KRIT1: variants seen among roughly 807,000 people sequenced by gnomAD.
KRIT1 encodes krev interaction trapped protein 1.
In KRIT1, 45 loss-of-function variants were observed where a neutral mutation model predicts 95.8. The ratio of observed to expected loss-of-function variants is 0.47; its 90% CI spans 0.37 to 0.60. The LOEUF is 0.60. Ranked by LOEUF, KRIT1 falls within the 20% of genes least tolerant of loss-of-function variation. The pLI is 0.00. For synonymous variants in KRIT1, 282 were observed against 278.8 expected (o/e 1.01, Z -0.11); for missense variants, 788 against 877.5 (o/e 0.90, Z 1.29).
intron 14 of KRIT1, among the ~76,000 whole-genome samples, chr7:92,221,479 C>T (rs1795129486): frequency 6.6e-6 from 1 of 152,118 alleles, no homozygotes; most frequent in Non-Finnish European, 1.5e-5. Context: ...GAATGACTTT[C>T]GCATTCTTCC....
chr7:92,222,859 C>G lies in KRIT1; in HGVS notation c.1374G>C (p.Gln458His), dbSNP rs760487764. 9 of 1,608,942 alleles carry G rather than the reference C, an allele frequency of 5.6e-6. No individual in the cohort carries two copies. The highest frequency in any genetic ancestry group is 1.3e-5 in the African/African-American group (1 of 74,954). The change falls in exon 13 of 19, where the codon CAG becomes CAC. Residue 458 changes from glutamine (Q) to histidine (H), a missense_variant. Physicochemically the swap from Gln to His is conservative, Grantham distance 24. Coordinates refer to ENST00000394505, the MANE Select transcript of KRIT1 (RefSeq NM_194454.3). ...AACAAATCCATATAGTGAAATATTG[C>G]TGAGTTTCTTGAGAGAGACGCATTC... is the stretch of plus-strand genomic sequence containing the variant. Reference protein sequence around the residue: ...MEGMRLSQETQQYFTIWICSE... With the variant: ...MEGMRLSQETHQYFTIWICSE...
chr7:92,234,864 G>C lies in KRIT1; in HGVS notation c.789C>G (p.Ile263Met), dbSNP rs1368571975. 3 of 1,610,300 alleles carry C rather than the reference G, an allele frequency of 1.9e-6. No individual in the cohort carries two copies. Among genetic ancestry groups the C allele is most frequent in the African/African-American group, 2.7e-5 (2 of 74,888 alleles). Residue 263 changes from isoleucine (I) to methionine (M), a missense_variant, in exon 9 of 19, where the codon ATC becomes ATG. Coordinates refer to ENST00000394505, the MANE Select transcript of KRIT1 (RefSeq NM_194454.3). The stretch of plus-strand genomic sequence containing the variant: ...GCCATTTTTCCTGTTTAGGTATTTG[G>C]ATTTTTGAGTAGTCTGGAGCTCCTA... ...FGLGAPDYSK[I>M]QIPKQEKWQR...
At position 92,240,291 on chromosome 7, in the gene KRIT1, A is replaced by G. The variant is rs935287070; in HGVS notation, c.262+702T>C. On this transcript the variant is annotated intron_variant, in intron 5 of 18. Coordinates refer to ENST00000394505, the MANE Select transcript of KRIT1 (RefSeq NM_194454.3). ...TATGAATCAGATAACTAATCCCTATAAAAATGTACACTGAATAAGCTTTGA... is the reference window on the plus strand; with the variant it reads ...TATGAATCAGATAACTAATCCCTATGAAAATGTACACTGAATAAGCTTTGA... Among the ~76,000 whole-genome samples the G allele has an allele frequency of 1.2e-4, 19 of 152,294 alleles. 1 individual carries two copies. Among genetic ancestry groups the G allele is most frequent in the African/African-American group, 4.1e-4 (17 of 41,570 alleles).
At position 92,234,714 on chromosome 7, in the gene KRIT1, A is replaced by G. The variant is rs1194945432; in HGVS notation, c.845+94T>C. On this transcript the variant is annotated intron_variant, in intron 9 of 18. Transcript: ENST00000394505. ...AAGCTGTAAACTCAATAGTGACTAC[A>G]ATGCATACAAATTGCATATATAATT... The G allele has an allele frequency of 2.8e-6, 3 of 1,053,910 alleles. No individual in the cohort carries two copies. The African/African-American group carries it at 4.7e-5, about 17-fold the overall frequency. The allele number at this position is 1,053,910 out of a possible 1,614,324, so 65.3% of individuals were successfully genotyped here.
At chr7:92,222,460 G>T (rs931005928) in intron 13 of KRIT1, among the ~76,000 whole-genome samples, 2 of 152,040 alleles carry the variant, frequency 1.3e-5, no homozygotes, top group African/African-American at 4.8e-5. Flanking sequence ...TAAAAAGGTT[G>T]ATTTTAAATA....
Position 92,226,601 on chromosome 7 carries a change from A to G in KRIT1, c.1071T>C (p.Ser357=). Residue 357 remains serine (S), a synonymous_variant, in exon 11 of 19, where the codon TCT becomes TCC. Transcript: ENST00000394505. ...CTCCTCCAGCAGCAAAATGAAGAGG[A>G]GAACTAAGTTGTCCATTTAAAAGGT... The part of the protein sequence containing the change: ...NPNLLNGQLS[S]PLHFAAGGGH... The G allele has an allele frequency of 6.2e-7, 1 of 1,613,118 alleles. No individual in the cohort carries two copies. The highest frequency in any genetic ancestry group is 1.1e-5 in the South Asian group (1 of 91,062).
chr7:92,218,055 C>T (rs1384539750), intron 14 of KRIT1, among the ~76,000 whole-genome samples: 1 of 152,024 alleles, frequency 6.6e-6, no homozygotes, highest in Non-Finnish European at 1.5e-5. Context: ...TCAAGTCCTT[C>T]GACCTATTTT....
rs748732288 is a variant in KRIT1 at position 92,222,046 on chromosome 7, T to C, written c.1419A>G (p.Gln473=). ...IWICSENLSL[Q]LKPYHKPLQH... ...GCAAGGGTTTATGATATGGTTTGAG[T>C]TGAAGGCCTGAAAAACATCATTCCT... Residue 473 remains glutamine, a synonymous_variant, in exon 14 of 19, where the codon CAA becomes CAG. Transcript: ENST00000394505. 38 of 1,612,872 alleles carry C rather than the reference T, an allele frequency of 2.4e-5. No homozygotes were observed. The Middle Eastern group carries it at 4.9e-4, about 21-fold the overall frequency.
At chr7:92,217,851 G>GCACCATTTTACC (rs1473559165) in intron 14 of KRIT1, among the ~76,000 whole-genome samples, 8 of 152,266 alleles carry the variant, frequency 5.3e-5, no homozygotes, top group Non-Finnish European at 1.0e-4. Flanking sequence ...CACAGTGGCT[G>GCACCATTTTACC]CACCATTTTA....
chr7:92,242,333 C>A (rs990615076), intron 3 of KRIT1, among the ~76,000 whole-genome samples, 196 bp from the exon 4 acceptor site: 20 of 152,172 alleles, frequency 1.3e-4, no homozygotes, highest in African/African-American at 4.6e-4. Context: ...ACTTTGACTG[C>A]ATCTTTACTG....
rs1330882008 is a variant in KRIT1 at position 92,200,659 on chromosome 7, A to G, written c.*77T>C. 5 of 998,902 alleles carry G rather than the reference A, an allele frequency of 5.0e-6. No individual in the cohort carries two copies. The highest frequency in any genetic ancestry group is 2.4e-5 in the East Asian group (1 of 41,318). The allele number at this position is 998,902 out of a possible 1,614,324, so 61.9% of individuals were successfully genotyped here. A position where few individuals can be genotyped will look rare whatever the true frequency, so the allele number is the denominator to read the frequency against. ...GAGCCACCATGCTCGGCCAAAAGTA[A>G]TATTTTAAGAAATCTTTCACGGAAA... On this transcript the variant is annotated 3_prime_UTR_variant, in exon 19 of 19. Transcript: ENST00000394505.
intron 17 of KRIT1, chr7:92,206,085 G>A (rs961222179): frequency 3.9e-5 from 6 of 152,772 alleles, no homozygotes; most frequent in African/African-American, 1.4e-4. Context: ...ACATTATCTA[G>A]GGTCCTAAGG....
At position 92,200,643 on chromosome 7, in the gene KRIT1, T is replaced by C. The variant is rs1349128285; in HGVS notation, c.*93A>G. ...CTGGAATTACAGGGGTGAGCCACCA[T>C]GCTCGGCCAAAAGTAATATTTTAAG... On this transcript the variant is annotated 3_prime_UTR_variant, in exon 19 of 19. Coordinates refer to ENST00000394505, the MANE Select transcript of KRIT1 (RefSeq NM_194454.3). The C allele has an allele frequency of 5.8e-6, 5 of 858,442 alleles. No individual in the cohort carries two copies. The highest frequency in any genetic ancestry group is 1.4e-5 in the South Asian group (1 of 71,580). 53.2% of individuals were successfully genotyped at this position (858,442 alleles called of 1,614,324 possible).
intron 14 of KRIT1, 151 bp downstream of exon 14, chr7:92,221,751 G>C (rs1211239608): frequency 6.0e-6 from 4 of 670,790 alleles, no homozygotes; most frequent in Non-Finnish European, 1.0e-5. Flanking sequence ...CAAGGGCTTT[G>C]TAAGTAGATC....
chr7:92,218,546 T>G (rs1794472776), intron 14 of KRIT1, among the ~76,000 whole-genome samples: 1 of 152,008 alleles, frequency 6.6e-6, no homozygotes, highest in Non-Finnish European at 1.5e-5. Context: ...GCCTGGCTAA[T>G]TTTTTAAGTT....
At chr7:92,233,161 TACACACACACACAC>T (rs139965359) in intron 10 of KRIT1, among the ~76,000 whole-genome samples, 31 of 149,470 alleles carry the variant, frequency 2.1e-4, no homozygotes, top group African/African-American at 4.4e-4. Flanking sequence ...GATCTTTTTA[TACACACACACACAC>T]ACACACACAC....
intron 11 of KRIT1, 50 bp from the exon 12 acceptor site, chr7:92,225,877 T>C: frequency 1.1e-6 from 1 of 944,094 alleles, no homozygotes; most frequent in Non-Finnish European, 1.7e-6. Flanking sequence ...TATTATGGTA[T>C]TCTAAGGGAA....
chr7:92,223,039 A>G (rs1795454659), intron 12 of KRIT1, 61 bp from the exon 13 acceptor site: 7 of 1,062,308 alleles, frequency 6.6e-6, no homozygotes, highest in African/African-American at 1.6e-5. Flanking sequence ...ATCTAACAAG[A>G]TACTTTCCTT....
intron 10 of KRIT1, among the ~76,000 whole-genome samples, chr7:92,232,842 C>T (rs571471857): frequency 3.8e-4 from 58 of 152,186 alleles, no homozygotes; most frequent in African/African-American, 1.3e-3. Context: ...TACAGGCACC[C>T]GCCACCACAC....
Sources: allele counts gnomAD v4.1 joint callset (sites outside exome capture counted in the v4.1 genomes callset), GRCh38; gene constraint gnomAD v4.1.1; transcripts MANE v1.5; gene names NCBI Gene and HGNC (gene_info 2026-07-23, HGNC 2026-07-21).